DPY19L3: variants seen among roughly 807,000 people sequenced by gnomAD.
DPY19L3 encodes dpy-19 like C-mannosyltransferase 3.
In DPY19L3, 51 loss-of-function variants were observed where a neutral mutation model predicts 92.3. That is an observed-to-expected ratio of 0.55 (90% CI 0.44 to 0.70). The LOEUF (loss-of-function observed/expected upper bound fraction) is 0.70. Among genes scored for constraint, DPY19L3 ranks in the 30% least tolerant of loss-of-function variants. DPY19L3 has a pLI of 0.00. For synonymous variants in DPY19L3, 309 were observed against 315.2 expected, an observed-to-expected ratio of 0.98 and a Z score of 0.21; for missense variants, 706 against 855.9, an observed-to-expected ratio of 0.82 and a Z score of 2.18.
At chr19:32,408,379 GC>G (rs751631155) in intron 2 of DPY19L3, 23 bp downstream of exon 2, 1 of 1,566,962 alleles carries the variant, frequency 6.4e-7, no homozygotes, top group South Asian at 1.1e-5. Flanking sequence ...AACTAAAGCA[GC>G]AATTTGGGTT....
intron 8 of DPY19L3, among the ~76,000 whole-genome samples, chr19:32,447,720 C>CATAGATAG (rs56116714): frequency 0.024 from 3,176 of 131,694 alleles, 66 homozygotes; most frequent in Middle Eastern, 0.048. Context: ...CCGTCTCATT[C>CATAGATAG]ATAGATAGAT....
chr19:32,467,469 A>C (rs1970233739), intron 15 of DPY19L3: 1 of 987,552 alleles, frequency 1.0e-6, no homozygotes, highest in Non-Finnish European at 1.2e-6. Context: ...TCTTCCAAAA[A>C]CTAGAACCAG....
At chr19:32,415,060 C>T (rs1310047841) in intron 3 of DPY19L3, among the ~76,000 whole-genome samples, 2 of 152,198 alleles carry the variant, frequency 1.3e-5, no homozygotes, top group Admixed American at 1.3e-4. Flanking sequence ...ATATATTAAG[C>T]ACCTACAGTA....
At chr19:32,445,934 G>C (rs761149120) in intron 8 of DPY19L3, among the ~76,000 whole-genome samples, 1 of 152,102 alleles carries the variant, frequency 6.6e-6, no homozygotes, top group African/African-American at 2.4e-5. Context: ...CCTAGGAGGC[G>C]GAGGTTGCAG....
chr19:32,410,951 G>A (rs1419080711), intron 2 of DPY19L3, among the ~76,000 whole-genome samples: 1 of 152,200 alleles, frequency 6.6e-6, no homozygotes, highest in East Asian at 1.9e-4. Flanking sequence ...GTTAAACTGT[G>A]CCGGACAGAG....
At chr19:32,442,507 G>A (rs1969355761) in intron 8 of DPY19L3, among the ~76,000 whole-genome samples, 1 of 152,122 alleles carries the variant, frequency 6.6e-6, no homozygotes, top group South Asian at 2.1e-4. Flanking sequence ...GACAGTATAT[G>A]TATATAACAA....
chr19:32,469,596 C>T (rs1374441857), intron 16 of DPY19L3, among the ~76,000 whole-genome samples: 4 of 152,020 alleles, frequency 2.6e-5, no homozygotes, highest in South Asian at 2.1e-4. Flanking sequence ...CAGCTCAGTG[C>T]GGATTTCATG....
At chr19:32,475,146 TGC>T (rs2145630364) in intron 16 of DPY19L3, among the ~76,000 whole-genome samples, 1 of 152,332 alleles carries the variant, frequency 6.6e-6, no homozygotes, top group East Asian at 1.9e-4. Context: ...ATAAACTGCA[TGC>T]TACTATAGCT....
chr19:32,429,608 T>C (rs6510247), intron 3 of DPY19L3, among the ~76,000 whole-genome samples: 98,813 of 152,066 alleles, frequency 0.65, 32,382 homozygotes, highest in East Asian at 0.73. Flanking sequence ...CTTTGAGCAG[T>C]GTTTTTTCTT....
intron 3 of DPY19L3, among the ~76,000 whole-genome samples, chr19:32,429,812 A>G (rs1968897546): frequency 1.3e-5 from 2 of 152,228 alleles, no homozygotes; most frequent in African/African-American, 4.8e-5. Context: ...TGCATGGACA[A>G]AAGCTAGTAT....
At chr19:32,455,069 G>T in intron 10 of DPY19L3, 29 bp downstream of exon 10, 2 of 1,356,362 alleles carry the variant, frequency 1.5e-6, no homozygotes, top group South Asian at 1.4e-5. Context: ...CATGTTTAAT[G>T]TATTTTTAAT....
At chr19:32,478,313 A>T (rs1290264602) in intron 17 of DPY19L3, among the ~76,000 whole-genome samples, 1 of 152,192 alleles carries the variant, frequency 6.6e-6, no homozygotes, top group Non-Finnish European at 1.5e-5. Flanking sequence ...CCGAGAAGAC[A>T]CACGCCTTGA....
chr19:32,429,395 G>T lies in DPY19L3; in HGVS notation c.238-3321G>T, dbSNP rs1425399373. On this transcript the variant is annotated intron_variant, in intron 3 of 18. Transcript: ENST00000392250. ...GAAAAGTGTTTGAATGAGTGAAGCA[G>T]ATGTTCTCTTAGCATGAAGCAGATG... Among the ~76,000 whole-genome samples the T allele has an allele frequency of 2.6e-5, 4 of 152,220 alleles. No individual in the cohort carries two copies. The East Asian group carries it at 7.7e-4, about 29-fold the overall frequency.
chr19:32,407,803 C>T (rs768565734), intron 1 of DPY19L3, among the ~76,000 whole-genome samples: 2 of 152,116 alleles, frequency 1.3e-5, no homozygotes, highest in African/African-American at 2.4e-5. Context: ...ATGGCAAGAT[C>T]GAGGGCAGGC....
rs147486943 is a variant in DPY19L3, at chr19:32,428,111, A to G, written c.238-4605A>G. The G allele has an allele frequency of 2.0e-5, 3 of 151,778 alleles. No individual in the cohort carries two copies. In the East Asian group the frequency reaches 5.9e-4, roughly 30 times the overall value. 9.4% of individuals were successfully genotyped at this position (151,778 alleles called of 1,614,324 possible). ...CTCAGCCTCCCAAGTAGCTGGAATTACAGACATGCACCACAATGCCCAGCT... is the reference window on the plus strand; with the variant it reads ...CTCAGCCTCCCAAGTAGCTGGAATTGCAGACATGCACCACAATGCCCAGCT... On this transcript the variant is annotated intron_variant, in intron 3 of 18. Transcript: ENST00000392250.
intron 10 of DPY19L3, among the ~76,000 whole-genome samples, chr19:32,457,351 G>A (rs545196226): frequency 2.6e-5 from 4 of 152,222 alleles, no homozygotes; most frequent in African/African-American, 9.6e-5. Flanking sequence ...TTATAAACCC[G>A]TGAGTAACAT....
intron 3 of DPY19L3, among the ~76,000 whole-genome samples, chr19:32,422,629 A>C (rs962152863): frequency 6.8e-6 from 1 of 146,722 alleles, no homozygotes; most frequent in African/African-American, 2.5e-5. Context: ...AATCAGGAAA[A>C]ACACACACAC....
rs115518722 is a variant in DPY19L3, at chr19:32,448,542, C to T, written c.856-4603C>T. 4.9e-3 allele frequency among the ~76,000 whole-genome samples: 744 copies of T among 152,176 alleles called. 7 individuals are homozygous for T. Among genetic ancestry groups the T allele is most frequent in the African/African-American group, 0.017 (700 of 41,528 alleles). ...TATTTTGTATGTGATGCATTATATA[C>T]TATATTCTTATTATAAAGTAAGCTA... is the stretch of plus-strand genomic sequence containing the variant. On this transcript the variant is annotated intron_variant, in intron 8 of 18. Transcript: ENST00000392250.
At chr19:32,470,442 TC>T (rs1216994804) in intron 16 of DPY19L3, among the ~76,000 whole-genome samples, 1 of 152,176 alleles carries the variant, frequency 6.6e-6, no homozygotes, top group African/African-American at 2.4e-5. Flanking sequence ...TGGTGGGTCT[TC>T]CGGATCTCCT....
Sources: gnomAD v4.1 joint callset for allele counts (sites outside exome capture counted in the v4.1 genomes callset) on GRCh38, gnomAD v4.1.1 for gene constraint, MANE v1.5 for transcripts, NCBI Gene and HGNC (gene_info 2026-07-23, HGNC 2026-07-21) for gene names.